HMCN1: variants seen among roughly 807,000 people sequenced by gnomAD.
HMCN1 encodes hemicentin 1.
Under a neutral mutation model 625.9 loss-of-function variants are expected in HMCN1, and 321 were observed. That is an observed-to-expected ratio of 0.51 (90% CI 0.47 to 0.56). The LOEUF is 0.56. HMCN1 is among the 20% of genes least tolerant of loss of function. The probability of loss-of-function intolerance (pLI) is 0.00; values close to 1 mark genes in which losing one functional copy is unlikely to be tolerated. For synonymous variants in HMCN1, 2,425 were observed against 2,417.6 expected (o/e 1.00, Z -0.09); for missense variants, 6,588 against 6,887.3 (o/e 0.96, Z 1.54).
At chr1:185,961,281 T>A (rs1650001975) in intron 11 of HMCN1, among the ~76,000 whole-genome samples, 1 of 152,196 alleles carries the variant, frequency 6.6e-6, no homozygotes, top group African/African-American at 2.4e-5. Flanking sequence ...AAGCCACAAT[T>A]TGCAGACTAA....
chr1:185,889,371 C>T (rs1290150730), intron 4 of HMCN1, among the ~76,000 whole-genome samples: 10 of 147,274 alleles, frequency 6.8e-5, no homozygotes, highest in African/African-American at 2.7e-4. Flanking sequence ...TGAGAGAGGG[C>T]ATCCCTGTCT....
intron 6 of HMCN1, among the ~76,000 whole-genome samples, chr1:185,913,305 T>C (rs994854549): frequency 2.0e-5 from 3 of 152,158 alleles, no homozygotes; most frequent in African/African-American, 4.8e-5. Context: ...CTGGTATTTA[T>C]TGAGTGTATT....
chr1:186,116,976 T>C lies in HMCN1; in HGVS notation c.11562-18T>C. 1 of 1,612,044 alleles carries C rather than the reference T, an allele frequency of 6.2e-7. No homozygotes were observed. The highest frequency in any genetic ancestry group is 1.1e-5 in the South Asian group (1 of 90,984). On this transcript the variant is annotated intron_variant, in intron 75 of 106. Coordinates refer to ENST00000271588, the MANE Select transcript of HMCN1 (RefSeq NM_031935.3). ...AAACCTACATATAGTATCTCATGCT[T>C]TGAAATGTGTCTTCTAGGCTCCTTT...
At chr1:186,154,763 A>C (rs75961079) in intron 97 of HMCN1, among the ~76,000 whole-genome samples, 1,748 of 152,242 alleles carry the variant, frequency 0.011, 27 homozygotes, top group African/African-American at 0.04. Context: ...TGTTCCTGGA[A>C]GTTATAATTT....
At chr1:185,778,778 C>A (rs981095338) in intron 1 of HMCN1, among the ~76,000 whole-genome samples, 2 of 152,090 alleles carry the variant, frequency 1.3e-5, no homozygotes, top group African/African-American at 4.8e-5. Context: ...CAAGTCTTTG[C>A]TATTGTGAAT....
rs1371853709 is a variant in HMCN1 at position 186,037,955 on chromosome 1, C to G, written c.5771C>G (p.Ala1924Gly). Residue 1924 changes from alanine (A) to glycine (G), a missense_variant, in exon 37 of 107, where the codon GCT becomes GGT. Physicochemically the swap from Ala to Gly is moderately conservative, Grantham distance 60. Around this residue, in one of 3 missense-constraint regions of HMCN1, gnomAD observed 4,628 missense variants for 4,853.1 expected, o/e 0.95. Transcript: ENST00000271588. ...GTAGAACCACCTAGTCTGGAAGATG[C>G]TGGAAAAATGCTGAATGAGACTGTG... ...HVHEPPSLED[A>G]GKMLNETVLV... 6.2e-7 allele frequency: 1 copy of G among 1,611,518 alleles called. No individual in the cohort carries two copies. Among genetic ancestry groups the G allele is most frequent in the Non-Finnish European group, 8.5e-7 (1 of 1,177,978 alleles).
intron 40 of HMCN1, among the ~76,000 whole-genome samples, chr1:186,044,918 A>G (rs933175601): frequency 6.6e-6 from 1 of 152,174 alleles, no homozygotes; most frequent in African/African-American, 2.4e-5. Context: ...AATACACCCA[A>G]GGGAAAGAGA....
Position 186,015,185 on chromosome 1 carries a change from G to A in HMCN1, c.4657G>A (p.Val1553Ile), listed in dbSNP as rs1487501728. 2.5e-6 allele frequency: 4 copies of A among 1,613,442 alleles called. No individual in the cohort carries two copies. Among genetic ancestry groups the A allele is most frequent in the African/African-American group, 2.7e-5 (2 of 74,884 alleles). ...YIPPSIKGGNVTTDISVLINS... is the reference protein window; with the variant it reads ...YIPPSIKGGNITTDISVLINS... ...TCCACCTAGTATTAAAGGAGGAAAT[G>A]TCACCACAGACATATCAGTATTGAT... The change falls in exon 31 of 107, where the codon GTC becomes ATC. Residue 1553 changes from valine to isoleucine, a missense_variant. Physicochemically the swap from Val to Ile is conservative, Grantham distance 29. This residue lies in a region of HMCN1 where 4,628 missense variants were observed against 4,853.1 expected (regional missense o/e 0.95). Transcript: ENST00000271588.
rs1053861384 is a variant in HMCN1, at chr1:185,868,292, A to G, written c.621+2429A>G. Among the ~76,000 whole-genome samples the G allele has an allele frequency of 1.8e-4, 28 of 152,298 alleles. No individual in the cohort carries two copies. The East Asian group carries it at 5.2e-3, about 28-fold the overall frequency. ...AGAAACTAAGCCCTATAGAGAAACTATAAGCCCTAGAGCGTTTATTAAATG... is the reference window on the plus strand; with the variant it reads ...AGAAACTAAGCCCTATAGAGAAACTGTAAGCCCTAGAGCGTTTATTAAATG... On this transcript the variant is annotated intron_variant, in intron 4 of 106. Transcript: ENST00000271588.
In HMCN1 at chr1:186,001,339, T is replaced by A; in HGVS notation, c.4111T>A (p.Ser1371Thr). 6.2e-7 allele frequency: 1 copy of A among 1,612,000 alleles called. No homozygotes were observed. Residue 1371 changes from serine (S) to threonine (T), a missense_variant, in exon 27 of 107, where the codon TCG (serine) becomes ACG (threonine). Ser to Thr is a moderately conservative substitution (Grantham distance 58). Around this residue, in one of 3 missense-constraint regions of HMCN1, gnomAD observed 4,628 missense variants for 4,853.1 expected, o/e 0.95. Transcript: ENST00000271588. ...IKDKEQVTNV[S>T]VLLNQLTNLF... ...AGATAAAGAACAAGTTACAAATGTG[T>A]CGGTGTTGTTAAATCAGCTGACCAA...
chr1:186,050,451 G>GAAACTGAGAAGGCTAA (rs1656877172), intron 42 of HMCN1, among the ~76,000 whole-genome samples: 2 of 151,528 alleles, frequency 1.3e-5, no homozygotes, highest in Admixed American at 1.3e-4. Context: ...AGAGACTCTA[G>GAAACTGAGAAGGCTAA]ATAAGAAACT....
At chr1:186,089,565 A>C (rs1215461915) in intron 63 of HMCN1, among the ~76,000 whole-genome samples, 1 of 152,048 alleles carries the variant, frequency 6.6e-6, no homozygotes, top group Non-Finnish European at 1.5e-5. Flanking sequence ...CTGAAGGAAA[A>C]ACAGCTAGTC....
At chr1:186,026,394 T>TA (rs1655056346) in intron 36 of HMCN1, among the ~76,000 whole-genome samples, 1 of 152,280 alleles carries the variant, frequency 6.6e-6, no homozygotes, top group South Asian at 2.1e-4. Flanking sequence ...TTTAGTTTCA[T>TA]AAAAAAGTTA....
rs1657050061 is a variant in HMCN1, at chr1:186,052,827, T to C, written c.6578-125T>C. ...CAGGTGACTTTTAATTTGATGTTGA[T>C]GTCAACCTCATATGACAATTTCTTC... is the stretch of plus-strand genomic sequence containing the variant. On this transcript the variant is annotated intron_variant, in intron 42 of 106. Coordinates refer to ENST00000271588, the MANE Select transcript of HMCN1 (RefSeq NM_031935.3). 6.2e-6 allele frequency: 5 copies of C among 806,718 alleles called. No homozygotes were observed. In the East Asian group the frequency reaches 1.2e-4, roughly 20 times the overall value. The allele number at this position is 806,718 out of a possible 1,614,324, so 50.0% of individuals were successfully genotyped here.
rs541286814 is a variant in HMCN1, at chr1:185,794,004, T to A, written c.269-52022T>A. Among the ~76,000 whole-genome samples, 4 of 152,334 alleles carry A rather than the reference T, an allele frequency of 2.6e-5. No homozygotes were observed. The East Asian group carries it at 7.7e-4, about 29-fold the overall frequency. On this transcript the variant is annotated intron_variant, in intron 1 of 106. Coordinates refer to ENST00000271588, the MANE Select transcript of HMCN1 (RefSeq NM_031935.3). ...ATGTATTCCAAATGCTAATAATTTC[T>A]GACTTTAATGGCATTAATTTTTCAC...
intron 103 of HMCN1, among the ~76,000 whole-genome samples, chr1:186,175,767 C>G (rs1368258634): frequency 6.6e-6 from 1 of 151,122 alleles, no homozygotes; most frequent in Non-Finnish European, 1.5e-5. Context: ...GCCTGTAATC[C>G]CAGCTACTCG....
intron 6 of HMCN1, 61 bp downstream of exon 6, chr1:185,911,841 G>T (rs1318321415): frequency 1.4e-5 from 18 of 1,242,796 alleles, no homozygotes. Flanking sequence ...TTTTCATGAA[G>T]TATACACAAT....
chr1:185,970,254 A>G (rs924016792), intron 14 of HMCN1, 81 bp from the exon 15 acceptor site: 1 of 1,322,170 alleles, frequency 7.6e-7, no homozygotes, highest in African/African-American at 1.5e-5. Flanking sequence ...CTTTATTTGG[A>G]AGTTTTGAAA....
intron 11 of HMCN1, among the ~76,000 whole-genome samples, chr1:185,940,182 A>G (rs1668011466): frequency 6.6e-6 from 1 of 152,192 alleles, no homozygotes; most frequent in African/African-American, 2.4e-5. Flanking sequence ...ATGCCACAAA[A>G]TTATTGCTTT....
Sources: allele counts gnomAD v4.1 joint callset (sites outside exome capture counted in the v4.1 genomes callset), GRCh38; gene constraint gnomAD v4.1.1; regional missense constraint gnomAD v4.1.1; transcripts MANE v1.5; gene names NCBI Gene and HGNC (gene_info 2026-07-23, HGNC 2026-07-21).